CDH13: variants seen among roughly 807,000 people sequenced by gnomAD.
The protein encoded by CDH13 is cadherin 13, also known as cadherin-13.
In CDH13, 24 loss-of-function variants were observed where a neutral mutation model predicts 63.8. That is an observed-to-expected ratio of 0.38 (90% CI 0.27 to 0.53). The LOEUF is 0.53. CDH13 is among the 20% of genes least tolerant of loss of function. The pLI, the probability that CDH13 is intolerant of heterozygous loss-of-function variation, is 0.85. For synonymous variants in CDH13, 503 were observed against 355.3 expected (o/e 1.42, Z -4.67); for missense variants, 1,049 against 903.1 (o/e 1.16, Z -2.07).
intron 6 of CDH13, among the ~76,000 whole-genome samples, chr16:83,449,955 A>G (rs754055790): frequency 6.6e-6 from 1 of 152,220 alleles, no homozygotes; most frequent in Non-Finnish European, 1.5e-5. Flanking sequence ...GAAAAAGAGC[A>G]TTTGATGACT....
chr16:82,705,165 A>G (rs1248119222), intron 1 of CDH13: 1 of 456,062 alleles, frequency 2.2e-6, no homozygotes, highest in East Asian at 6.9e-5. Flanking sequence ...AAAAGGATCC[A>G]GGTAAACAGA....
intron 11 of CDH13, among the ~76,000 whole-genome samples, chr16:83,767,008 A>G (rs979643920): frequency 2.0e-5 from 3 of 152,150 alleles, no homozygotes; most frequent in African/African-American, 7.2e-5. Flanking sequence ...CGGTGAGTCA[A>G]TTAAACCCCT....
At chr16:83,188,657 C>T (rs77282465) in intron 4 of CDH13, among the ~76,000 whole-genome samples, 6,237 of 152,206 alleles carry the variant, frequency 0.041, 172 homozygotes, top group East Asian at 0.1. Context: ...AAATTTAAGC[C>T]TCCTGGAATT....
At chr16:83,169,322 G>T (rs558403572) in intron 4 of CDH13, among the ~76,000 whole-genome samples, 1 of 151,748 alleles carries the variant, frequency 6.6e-6, no homozygotes, top group South Asian at 2.1e-4. Flanking sequence ...GACTACAGGC[G>T]CCTGCCACCA....
intron 1 of CDH13, among the ~76,000 whole-genome samples, chr16:82,691,271 A>G (rs1915617694): frequency 6.6e-6 from 1 of 152,224 alleles, no homozygotes; most frequent in Non-Finnish European, 1.5e-5. Context: ...ACCTGCAGTC[A>G]GTCTCCCTAT....
At chr16:82,732,432 C>G (rs74666961) in intron 1 of CDH13, among the ~76,000 whole-genome samples, 5,040 of 152,198 alleles carry the variant, frequency 0.033, 108 homozygotes, top group Non-Finnish European at 0.052. Context: ...AAATCAATGC[C>G]CACTTTCTCC....
intron 10 of CDH13, among the ~76,000 whole-genome samples, chr16:83,679,281 C>T (rs763766682): frequency 1.9e-4 from 29 of 152,140 alleles, no homozygotes; most frequent in Non-Finnish European, 3.5e-4. Flanking sequence ...CTTAAATCAG[C>T]GTGCAGATCC....
chr16:83,432,100 C>T (rs2072133504), intron 6 of CDH13, among the ~76,000 whole-genome samples: 1 of 152,148 alleles, frequency 6.6e-6, no homozygotes, highest in African/African-American at 2.4e-5. Flanking sequence ...TCTTGGACTT[C>T]AGTGGAGGCA....
At chr16:83,497,881 A>C (rs962611599) in intron 7 of CDH13, among the ~76,000 whole-genome samples, 4 of 152,184 alleles carry the variant, frequency 2.6e-5, no homozygotes, top group Admixed American at 2.6e-4. Context: ...ACTCACACTT[A>C]TTAATCATCA....
intron 5 of CDH13, among the ~76,000 whole-genome samples, chr16:83,249,528 C>T (rs1469496200): frequency 6.6e-6 from 1 of 152,132 alleles, no homozygotes; most frequent in East Asian, 1.9e-4. Context: ...CATTTAATCC[C>T]AATAGCTACT....
intron 3 of CDH13, among the ~76,000 whole-genome samples, chr16:83,082,303 C>A (rs1337233635): frequency 6.6e-6 from 1 of 152,134 alleles, no homozygotes; most frequent in Non-Finnish European, 1.5e-5. Flanking sequence ...GTTCCAGCAT[C>A]AATTGTCAAA....
rs530327707 is a variant in CDH13, at chr16:83,570,542, G to A, written c.961-31912G>A. 1.3e-4 allele frequency among the ~76,000 whole-genome samples: 19 copies of A among 151,958 alleles called. No homozygotes were observed. In the East Asian group the frequency reaches 1.4e-3, roughly 11 times the overall value. Reference sequence around the variant, plus strand: ...TCATGGTCTAGCGTGGAACAGCCTCGCTGCTTTACTGGGCTGCTGTGGGAA... The same window carrying A: ...TCATGGTCTAGCGTGGAACAGCCTCACTGCTTTACTGGGCTGCTGTGGGAA... On this transcript the variant is annotated intron_variant, in intron 7 of 13. Transcript: ENST00000567109.
At chr16:83,560,731 C>T (rs1006853368) in intron 7 of CDH13, among the ~76,000 whole-genome samples, 1 of 152,176 alleles carries the variant, frequency 6.6e-6, no homozygotes, top group African/African-American at 2.4e-5. Context: ...CATCTTTTTG[C>T]CTTGCTACCT....
At chr16:82,947,215 G>C (rs969146958) in intron 2 of CDH13, among the ~76,000 whole-genome samples, 2 of 152,066 alleles carry the variant, frequency 1.3e-5, no homozygotes, top group African/African-American at 4.8e-5. Flanking sequence ...CTACCTGCTT[G>C]GATGTCAAAT....
At chr16:83,179,935 G>A (rs1167238972) in intron 4 of CDH13, among the ~76,000 whole-genome samples, 1 of 151,756 alleles carries the variant, frequency 6.6e-6, no homozygotes, top group African/African-American at 2.4e-5. Flanking sequence ...AGGAAACGAT[G>A]GGAGAATAGC....
chr16:83,469,836 T>C (rs1009005355), intron 6 of CDH13, among the ~76,000 whole-genome samples: 8 of 152,262 alleles, frequency 5.3e-5, no homozygotes, highest in Non-Finnish European at 1.2e-4. Context: ...ACATCTCATA[T>C]TTGAAATGTA....
intron 1 of CDH13, among the ~76,000 whole-genome samples, chr16:82,819,393 A>G (rs2037887203): frequency 6.6e-6 from 1 of 152,172 alleles, no homozygotes; most frequent in Non-Finnish European, 1.5e-5. Context: ...TGGAATTACT[A>G]TGAGAAAGGC....
chr16:83,427,344 G>T (rs980699994), intron 6 of CDH13, among the ~76,000 whole-genome samples: 3 of 152,146 alleles, frequency 2.0e-5, no homozygotes, highest in Non-Finnish European at 4.4e-5. Flanking sequence ...AAGAGGGATA[G>T]AGGAGGGTCA....
chr16:83,652,528 C>T (rs76402527), intron 8 of CDH13, among the ~76,000 whole-genome samples: 5 of 152,100 alleles, frequency 3.3e-5, no homozygotes, highest in Non-Finnish European at 5.9e-5. Flanking sequence ...GGAGGGTCCT[C>T]GTGGTTTAGC....
Sources: gnomAD v4.1 joint callset for allele counts (sites outside exome capture counted in the v4.1 genomes callset) on GRCh38, gnomAD v4.1.1 for gene constraint, MANE v1.5 for transcripts, NCBI Gene and HGNC (gene_info 2026-07-23, HGNC 2026-07-21) for gene names.